YY1AP1: variants seen among roughly 807,000 people sequenced by gnomAD.
YY1AP1 encodes YY1 associated protein 1, also known as YY1-associated protein 1.
A neutral mutation model predicts 39.9 loss-of-function variants in YY1AP1; 43 were observed. The observed-to-expected ratio is 1.08, with a 90% CI of 0.84 to 1.39. The LOEUF (loss-of-function observed/expected upper bound fraction) is 1.39, where lower values mean the gene tolerates loss of function less well. YY1AP1 is among the 40% of genes most tolerant of loss of function. The pLI is 0.00. For synonymous variants in YY1AP1, 292 were observed against 331.3 expected (o/e 0.88, Z 1.29); for missense variants, 813 against 900.7 (o/e 0.90, Z 1.25).
At chr1:155,686,209 G>A (rs1439200542) in intron 2 of YY1AP1, among the ~76,000 whole-genome samples, 2 of 151,634 alleles carry the variant, frequency 1.3e-5, no homozygotes, top group South Asian at 2.1e-4. Context: ...CTAATTTTTT[G>A]TATTTTTAGT....
chr1:155,677,188 A>T (rs1304977632), intron 4 of YY1AP1, among the ~76,000 whole-genome samples: 1 of 152,200 alleles, frequency 6.6e-6, no homozygotes, highest in Non-Finnish European at 1.5e-5. Flanking sequence ...CTTTCTTAAC[A>T]AGTCAAAGAC....
chr1:155,686,337 T>C (rs1242058678), intron 2 of YY1AP1, among the ~76,000 whole-genome samples: 1 of 152,042 alleles, frequency 6.6e-6, no homozygotes, highest in Non-Finnish European at 1.5e-5. Flanking sequence ...ATTACAGGTG[T>C]GAGCCACCGC....
At chr1:155,683,123 C>A (rs181258826) in intron 2 of YY1AP1, among the ~76,000 whole-genome samples, 194 of 152,020 alleles carry the variant, frequency 1.3e-3, no homozygotes, top group African/African-American at 4.2e-3. Flanking sequence ...TTTGCTCTAG[C>A]AGAAAAATAA....
At chr1:155,671,021 C>A (rs551562620) in intron 7 of YY1AP1, 1 of 156,140 alleles carries the variant, frequency 6.4e-6, no homozygotes, top group African/African-American at 2.4e-5. Flanking sequence ...AAAACAAACA[C>A]TTAAAAAGTA....
intron 2 of YY1AP1, among the ~76,000 whole-genome samples, chr1:155,684,554 C>T (rs183048573): frequency 1.4e-3 from 213 of 150,724 alleles, no homozygotes; most frequent in Middle Eastern, 3.5e-3. Context: ...ATTAAAACAC[C>T]TTTTTACATT....
At chr1:155,665,087 G>A (rs1648758235) in intron 9 of YY1AP1, among the ~76,000 whole-genome samples, 1 of 151,692 alleles carries the variant, frequency 6.6e-6, no homozygotes, top group Admixed American at 6.6e-5. Context: ...TGGTTTAAAT[G>A]TGAAAATTCC....
rs1647698212 is a variant in YY1AP1, at chr1:155,659,537, C to T, written c.*120G>A. ...GGCTAAAGCAAGCTGCTCAAGAGCC[C>T]CAGTTGCAAAATCTGGGGTTTAAGT... On this transcript the variant is annotated 3_prime_UTR_variant, in exon 11 of 11. Coordinates refer to ENST00000355499, the MANE Select transcript of YY1AP1 (RefSeq NM_139119.3). 3.8e-6 allele frequency: 4 copies of T among 1,041,686 alleles called. No individual in the cohort carries two copies. The highest frequency in any genetic ancestry group is 2.2e-5 in the Admixed American group (1 of 46,040). 64.5% of individuals were successfully genotyped at this position (1,041,686 alleles called of 1,614,324 possible). A position where few individuals can be genotyped will look rare whatever the true frequency, so the allele number is the denominator to read the frequency against.
intron 8 of YY1AP1, among the ~76,000 whole-genome samples, chr1:155,669,160 A>C (rs1649490565): frequency 6.6e-6 from 1 of 152,124 alleles, no homozygotes; most frequent in Non-Finnish European, 1.5e-5. Context: ...CAGCCTCCTG[A>C]GTATCTGTGG....
chr1:155,676,532 C>T lies in YY1AP1; in HGVS notation c.324+16G>A. The T allele has an allele frequency of 6.2e-7, 1 of 1,613,888 alleles. No homozygotes were observed. The highest frequency in any genetic ancestry group is 1.7e-5 in the Admixed American group (1 of 60,006). On this transcript the variant is annotated intron_variant, in intron 5 of 10. Transcript: ENST00000355499. ...TTGGTATAATTCAATATTAATATGA[C>T]CAAGGAAAGTGTTACCTGCTGCATC...
chr1:155,676,110 T>G (rs1318874865), intron 5 of YY1AP1, among the ~76,000 whole-genome samples: 17 of 151,916 alleles, frequency 1.1e-4, no homozygotes, highest in Admixed American at 1.1e-3. Context: ...TAGTCACAGC[T>G]ACTCGGGAGG....
chr1:155,688,632 G>T, intron 1 of YY1AP1, 27 bp downstream of exon 1: 6 of 1,534,454 alleles, frequency 3.9e-6, no homozygotes, highest in Non-Finnish European at 3.5e-6. Flanking sequence ...CTGTCAAGCC[G>T]GCTCCAGCGC....
At position 155,660,591 on chromosome 1, in the gene YY1AP1, T is replaced by A; in HGVS notation, c.1319A>T (p.Glu440Val). The A allele has an allele frequency of 6.2e-7, 1 of 1,614,160 alleles. No homozygotes were observed. The highest frequency in any genetic ancestry group is 8.5e-7 in the Non-Finnish European group (1 of 1,180,034). ...GAGCACCATTTTGCTCGGAGGGGCTTCTGAATGAGTTGATTGGGCTGGTGT... is the reference window on the plus strand; with the variant it reads ...GAGCACCATTTTGCTCGGAGGGGCTACTGAATGAGTTGATTGGGCTGGTGT... ...GKTPAQSTHS[E>V]APPSKMVLRI... Residue 440 changes from glutamate (E) to valine (V), a missense_variant, in exon 11 of 11, where the codon GAA becomes GTA. Coordinates refer to ENST00000355499, the MANE Select transcript of YY1AP1 (RefSeq NM_139119.3).
chr1:155,684,999 T>G (rs773941305), intron 2 of YY1AP1, among the ~76,000 whole-genome samples: 38 of 152,206 alleles, frequency 2.5e-4, no homozygotes, highest in Non-Finnish European at 4.0e-4. Context: ...TCTACATGTA[T>G]GTATACCCAA....
At chr1:155,677,604 T>G (rs1047468053) in intron 4 of YY1AP1, among the ~76,000 whole-genome samples, 7 of 152,228 alleles carry the variant, frequency 4.6e-5, no homozygotes, top group African/African-American at 1.7e-4. Context: ...AATAGTTAAA[T>G]GGTAACGTTT....
intron 9 of YY1AP1, among the ~76,000 whole-genome samples, chr1:155,665,065 C>T (rs551040397): frequency 1.3e-5 from 2 of 151,990 alleles, no homozygotes; most frequent in African/African-American, 2.4e-5. Flanking sequence ...CCACTGCGCC[C>T]GGCCCCGGAG....
intron 2 of YY1AP1, among the ~76,000 whole-genome samples, chr1:155,685,788 A>G (rs1181733799): frequency 6.6e-6 from 1 of 152,122 alleles, no homozygotes; most frequent in Non-Finnish European, 1.5e-5. Context: ...AGTTCCTAAA[A>G]TCATATATAT....
chr1:155,665,535 G>A (rs1390721968), intron 9 of YY1AP1, among the ~76,000 whole-genome samples: 3 of 151,718 alleles, frequency 2.0e-5, no homozygotes, highest in African/African-American at 7.3e-5. Context: ...GGAGGCGGAC[G>A]TTGCAGTGAG....
chr1:155,680,265 T>C, intron 3 of YY1AP1, 151 bp downstream of exon 3: 1 of 797,144 alleles, frequency 1.3e-6, no homozygotes, highest in Non-Finnish European at 1.9e-6. Flanking sequence ...AGTTAGCAAA[T>C]TTCTTTTGTC....
intron 5 of YY1AP1, 113 bp downstream of exon 5, chr1:155,676,435 T>C: frequency 7.8e-7 from 1 of 1,281,072 alleles, no homozygotes; most frequent in South Asian, 1.3e-5. Flanking sequence ...TTTTAATACG[T>C]AGTAAGGTAA....
Sources: allele counts gnomAD v4.1 joint callset (sites outside exome capture counted in the v4.1 genomes callset), GRCh38; gene constraint gnomAD v4.1.1; transcripts MANE v1.5; gene names NCBI Gene and HGNC (gene_info 2026-07-23, HGNC 2026-07-21).